Variants in SECISBP2 observed in about 807,000 individuals in gnomAD.
SECISBP2 encodes SECIS binding protein 2, also known as selenocysteine insertion sequence-binding protein 2.
SECISBP2 carries 96 observed loss-of-function variants against 98.2 expected under a neutral mutation model. That is an observed-to-expected ratio of 0.98 (90% CI 0.83 to 1.16). The LOEUF (loss-of-function observed/expected upper bound fraction) is 1.16. Ranked by LOEUF, SECISBP2 falls within the 50% of genes most tolerant of loss-of-function variation. The pLI is 0.00. For synonymous variants in SECISBP2, 407 were observed against 370.2 expected (o/e 1.10, Z -1.14); for missense variants, 1,046 against 1,022.9 (o/e 1.02, Z -0.31).
chr9:89,357,822 G>T (rs1374502364), intron 15 of SECISBP2, among the ~76,000 whole-genome samples, 177 bp from the exon 16 acceptor site: 1 of 152,148 alleles, frequency 6.6e-6, no homozygotes, highest in East Asian at 1.9e-4. Flanking sequence ...GGCCCAAGAA[G>T]TCGGCCTAGC....
At position 89,346,975 on chromosome 9, in the gene SECISBP2, C is replaced by A; in HGVS notation, c.1529C>A (p.Ser510Tyr). 1 of 1,614,174 alleles carries A rather than the reference C, an allele frequency of 6.2e-7. No individual in the cohort carries two copies. The highest frequency in any genetic ancestry group is 1.1e-5 in the South Asian group (1 of 91,084). ...QMKTPHNPLD[S>Y]SAPLMKKGKQ... ...AAGACCCCGCACAATCCCTTGGACT[C>A]CAGCGCCCCACTGATGAAGAAAGGG... The change falls in exon 11 of 17, where the codon TCC becomes TAC. Residue 510 changes from serine to tyrosine, a missense_variant. Physicochemically the swap from Ser to Tyr is moderately radical, Grantham distance 144. Coordinates refer to ENST00000375807, the MANE Select transcript of SECISBP2 (RefSeq NM_024077.5).
At chr9:89,323,996 G>C (rs1037017593) in intron 2 of SECISBP2, 4 of 152,156 alleles carry the variant, frequency 2.6e-5, no homozygotes, top group Admixed American at 6.5e-5. Context: ...AATGGAACCT[G>C]TCCCTGCTTT....
intron 4 of SECISBP2, among the ~76,000 whole-genome samples, chr9:89,327,924 C>T (rs1827050589): frequency 6.6e-6 from 1 of 151,552 alleles, no homozygotes; most frequent in Non-Finnish European, 1.5e-5. Flanking sequence ...AATTCTTGTG[C>T]CTCAGCCTCC....
In SECISBP2 at chr9:89,345,998, G is replaced by A. The variant is rs150506754; in HGVS notation, c.1436-884G>A. 8.0e-3 allele frequency among the ~76,000 whole-genome samples: 1,217 copies of A among 152,314 alleles called. 17 individuals carry two copies. The highest frequency in any genetic ancestry group is 0.028 in the African/African-American group (1,149 of 41,572). On this transcript the variant is annotated intron_variant, in intron 10 of 16. Coordinates refer to ENST00000375807, the MANE Select transcript of SECISBP2 (RefSeq NM_024077.5). Reference sequence around the variant, plus strand: ...CAGTGAATCAGACAGTCAGACAGGCGAGATTTAGTGGGACTGCCTGATTGA... The same window carrying A: ...CAGTGAATCAGACAGTCAGACAGGCAAGATTTAGTGGGACTGCCTGATTGA...
chr9:89,346,140 C>A (rs1451995851), intron 10 of SECISBP2, among the ~76,000 whole-genome samples: 1 of 152,150 alleles, frequency 6.6e-6, no homozygotes, highest in Non-Finnish European at 1.5e-5. Context: ...GGTTTGTTTA[C>A]CATTCTTTTT....
intron 6 of SECISBP2, chr9:89,334,230 T>C: frequency 8.3e-7 from 1 of 1,208,732 alleles, no homozygotes; most frequent in Non-Finnish European, 1.1e-6. Context: ...TTGTGGATTG[T>C]TGTTTTTTAA....
chr9:89,318,739 C>T, intron 1 of SECISBP2, 127 bp downstream of exon 1: 2 of 1,228,092 alleles, frequency 1.6e-6, no homozygotes, highest in Non-Finnish European at 1.1e-6. Flanking sequence ...GGCACGGGAG[C>T]GCCCTACCGG....
chr9:89,337,411 A>G (rs1828930363), intron 7 of SECISBP2, among the ~76,000 whole-genome samples: 1 of 152,220 alleles, frequency 6.6e-6, no homozygotes, highest in Admixed American at 6.5e-5. Context: ...CTACTTATGG[A>G]AAAGGTCATC....
At chr9:89,333,075 G>C in intron 6 of SECISBP2, 89 bp downstream of exon 6, 1 of 1,145,944 alleles carries the variant, frequency 8.7e-7, no homozygotes, top group Non-Finnish European at 1.3e-6. Context: ...AATGATTTTT[G>C]TTGTAAAGAC....
intron 8 of SECISBP2, among the ~76,000 whole-genome samples, chr9:89,338,930 C>A (rs1714256020): frequency 6.6e-6 from 1 of 150,542 alleles, no homozygotes; most frequent in African/African-American, 2.5e-5. Flanking sequence ...TTTTGCAGGG[C>A]CTCCTTTTCT....
chr9:89,344,770 C>G (rs996782411), intron 10 of SECISBP2, among the ~76,000 whole-genome samples: 7 of 152,132 alleles, frequency 4.6e-5, no homozygotes, highest in African/African-American at 1.7e-4. Flanking sequence ...AAACTTTACT[C>G]CAGTAGGTCT....
chr9:89,330,114 G>A (rs1175497460), intron 5 of SECISBP2: 1 of 152,208 alleles, frequency 6.6e-6, no homozygotes, highest in Non-Finnish European at 1.5e-5. Flanking sequence ...CCAAGAACCT[G>A]TCCATGGTAC....
chr9:89,325,782 T>G, intron 3 of SECISBP2, 106 bp downstream of exon 3: 1 of 1,594,838 alleles, frequency 6.3e-7, no homozygotes, highest in East Asian at 2.3e-5. Flanking sequence ...CATGTATTTT[T>G]TTGTATTTAA....
downstream of SECISBP2, chr9:89,362,054 G>A (rs1588041220): frequency 8.9e-6 from 4 of 451,664 alleles, no homozygotes; most frequent in South Asian, 1.1e-4. Context: ...CCTGCTGCCT[G>A]ACCGTAGAGG....
chr9:89,343,990 C>T (rs771593838), intron 10 of SECISBP2, among the ~76,000 whole-genome samples: 5 of 152,118 alleles, frequency 3.3e-5, no homozygotes, highest in Non-Finnish European at 7.4e-5. Context: ...TCCGCAACCT[C>T]GCCAGCTTCG....
At chr9:89,363,334 C>T, downstream of SECISBP2, 1 of 1,540,026 alleles carries the variant, frequency 6.5e-7, no homozygotes, top group Non-Finnish European at 8.7e-7. Flanking sequence ...AAGTGGGGTC[C>T]ATGCTGAATG....
In SECISBP2 at chr9:89,325,988, C is replaced by G; in HGVS notation, c.524C>G (p.Ala175Gly). ...DGTISSEIKS[A>G]RGSHHLSIYA... Reference sequence around the variant, plus strand: ...ACTATATCATCTGAGATAAAATCAGCTAGAGGTTCACATCATTTGTCCATT... The same window carrying G: ...ACTATATCATCTGAGATAAAATCAGGTAGAGGTTCACATCATTTGTCCATT... Residue 175 changes from alanine to glycine, a missense_variant, in exon 4 of 17, where the codon GCT becomes GGT. Transcript: ENST00000375807. The G allele has an allele frequency of 6.2e-7, 1 of 1,613,868 alleles. No individual in the cohort carries two copies. Among genetic ancestry groups the G allele is most frequent in the Non-Finnish European group, 8.5e-7 (1 of 1,179,982 alleles).
chr9:89,336,004 T>A (rs888011632), intron 7 of SECISBP2, among the ~76,000 whole-genome samples: 2 of 151,918 alleles, frequency 1.3e-5, no homozygotes, highest in East Asian at 3.8e-4. Flanking sequence ...GTCACTAATT[T>A]TTGGTTAATG....
intron 9 of SECISBP2, among the ~76,000 whole-genome samples, chr9:89,340,434 CT>C (rs1829485316): frequency 6.6e-6 from 1 of 152,182 alleles, no homozygotes; most frequent in Admixed American, 6.5e-5. Flanking sequence ...CAGGAGGGAG[CT>C]TGTGAGTCAT....
Sources: allele counts gnomAD v4.1 joint callset (sites outside exome capture counted in the v4.1 genomes callset), GRCh38; gene constraint gnomAD v4.1.1; transcripts MANE v1.5; gene names NCBI Gene and HGNC (gene_info 2026-07-23, HGNC 2026-07-21).